The following GRIK3 variants were observed in gnomAD, a reference collection of about 807,000 sequenced individuals.
The protein encoded by GRIK3 is glutamate receptor ionotropic, kainate 3.
Under a neutral mutation model 102.5 loss-of-function variants are expected in GRIK3, and 29 were observed. The ratio of observed to expected loss-of-function variants is 0.28; its 90% CI spans 0.21 to 0.39. The LOEUF (loss-of-function observed/expected upper bound fraction) is 0.39. Among genes scored for constraint, GRIK3 ranks in the 10% least tolerant of loss-of-function variants. GRIK3 has a pLI of 1.00. For missense variants in GRIK3, 908 were observed against 1,252.4 expected (o/e 0.73, Z 4.15); for synonymous variants, 511 against 504.9 (o/e 1.01, Z -0.16).
At chr1:36,927,044 A>T (rs1478847751) in intron 1 of GRIK3, among the ~76,000 whole-genome samples, 1 of 152,224 alleles carries the variant, frequency 6.6e-6, no homozygotes, top group African/African-American at 2.4e-5. Context: ...CAAGGAAAAC[A>T]TACACAAATA....
chr1:36,932,898 C>T (rs1005649027), intron 1 of GRIK3, among the ~76,000 whole-genome samples: 9 of 152,044 alleles, frequency 5.9e-5, no homozygotes, highest in African/African-American at 9.7e-5. Flanking sequence ...TTCAAATGCA[C>T]GTACTGGAAT....
At chr1:36,952,222 C>T (rs762437832) in intron 1 of GRIK3, among the ~76,000 whole-genome samples, 7 of 152,332 alleles carry the variant, frequency 4.6e-5, no homozygotes, top group Non-Finnish European at 1.0e-4. Flanking sequence ...ACTCAAAGAG[C>T]CCTTCCTCCA....
At chr1:36,827,829 G>A (rs1642770925) in intron 10 of GRIK3, among the ~76,000 whole-genome samples, 1 of 152,018 alleles carries the variant, frequency 6.6e-6, no homozygotes, top group South Asian at 2.1e-4. Context: ...CCTACCCAAT[G>A]TTTCTCCTTC....
intron 3 of GRIK3, among the ~76,000 whole-genome samples, chr1:36,875,910 C>T (rs949285027): frequency 6.6e-6 from 1 of 152,234 alleles, no homozygotes; most frequent in African/African-American, 2.4e-5. Flanking sequence ...TGAAAATGCA[C>T]CAGTCCCATG....
intron 7 of GRIK3, among the ~76,000 whole-genome samples, chr1:36,858,693 G>T (rs753902973): frequency 6.6e-6 from 1 of 152,148 alleles, no homozygotes; most frequent in African/African-American, 2.4e-5. Flanking sequence ...CACTTTCCAC[G>T]CAATGTCTAA....
At chr1:36,829,156 G>A (rs974458172) in intron 10 of GRIK3, among the ~76,000 whole-genome samples, 3 of 152,202 alleles carry the variant, frequency 2.0e-5, no homozygotes, top group African/African-American at 7.2e-5. Context: ...ACATTTCACC[G>A]TTAGTTACGA....
chr1:36,808,996 T>A (rs908463488), intron 13 of GRIK3, among the ~76,000 whole-genome samples: 1 of 152,186 alleles, frequency 6.6e-6, no homozygotes, highest in Non-Finnish European at 1.5e-5. Context: ...CTTTTCTCCC[T>A]CCAGTGATTG....
In GRIK3 at chr1:36,798,386, T is replaced by A. The variant is rs1440756832; in HGVS notation, c.*3465A>T. 1 of 152,318 alleles carries A rather than the reference T, an allele frequency of 6.6e-6. No individual in the cohort carries two copies. The highest frequency in any genetic ancestry group is 6.5e-5 in the Admixed American group (1 of 15,282). 9.4% of individuals were successfully genotyped at this position (152,318 alleles called of 1,614,324 possible). A position where few individuals can be genotyped will look rare whatever the true frequency, so the allele number is the denominator to read the frequency against. On this transcript the variant is annotated 3_prime_UTR_variant, in exon 16 of 16. Coordinates refer to ENST00000373091, the MANE Select transcript of GRIK3 (RefSeq NM_000831.4). ...ACAGTCCAGCATCTGCTCAGGCAGGTTCCTTCTTCTGCTCCATCCAAGCAA... is the reference window on the plus strand; with the variant it reads ...ACAGTCCAGCATCTGCTCAGGCAGGATCCTTCTTCTGCTCCATCCAAGCAA...
intron 1 of GRIK3, among the ~76,000 whole-genome samples, chr1:36,912,436 C>A (rs552422595): frequency 6.6e-6 from 1 of 152,088 alleles, no homozygotes; most frequent in Non-Finnish European, 1.5e-5. Context: ...CCTCCTCCCC[C>A]CTCTGCTGCC....
chr1:37,010,546 G>C (rs917838664), intron 1 of GRIK3, among the ~76,000 whole-genome samples: 1 of 151,924 alleles, frequency 6.6e-6, no homozygotes, highest in Non-Finnish European at 1.5e-5. Flanking sequence ...GAGTGAAGGG[G>C]GTGCTATTCA....
chr1:36,854,704 C>A, intron 7 of GRIK3, among the ~76,000 whole-genome samples: 1 of 152,292 alleles, frequency 6.6e-6, no homozygotes, highest in East Asian at 1.9e-4. Context: ...TTTCTATGAG[C>A]CCCTTTACAG....
intron 7 of GRIK3, among the ~76,000 whole-genome samples, chr1:36,857,134 TA>T (rs975043424): frequency 2.3e-4 from 35 of 152,172 alleles, no homozygotes; most frequent in African/African-American, 8.0e-4. Flanking sequence ...GTTATCCAGT[TA>T]AAAAGTGGTG....
chr1:36,977,931 C>T (rs1046739450), intron 1 of GRIK3, among the ~76,000 whole-genome samples: 1 of 152,234 alleles, frequency 6.6e-6, no homozygotes, highest in Non-Finnish European at 1.5e-5. Flanking sequence ...GCAAGACCTC[C>T]CCTGCACAGC....
chr1:36,842,894 G>A (rs1640476575), intron 9 of GRIK3, among the ~76,000 whole-genome samples: 1 of 152,150 alleles, frequency 6.6e-6, no homozygotes, highest in African/African-American at 2.4e-5. Flanking sequence ...CGAGTTCTGT[G>A]CCTGAGGCCC....
chr1:37,026,734 G>A (rs758724848), intron 1 of GRIK3, among the ~76,000 whole-genome samples: 1 of 151,954 alleles, frequency 6.6e-6, no homozygotes, highest in Non-Finnish European at 1.5e-5. Context: ...ACTTCCCCAA[G>A]GTCACACAGC....
At chr1:36,808,048 C>T (rs1214466608) in intron 13 of GRIK3, among the ~76,000 whole-genome samples, 1 of 152,250 alleles carries the variant, frequency 6.6e-6, no homozygotes, top group Non-Finnish European at 1.5e-5. Flanking sequence ...TCTCCGCTCT[C>T]CCACTTCCTC....
intron 13 of GRIK3, among the ~76,000 whole-genome samples, chr1:36,809,680 T>C (rs1308410427): frequency 2.0e-5 from 3 of 152,140 alleles, no homozygotes; most frequent in Non-Finnish European, 4.4e-5. Flanking sequence ...AACCATATGC[T>C]CTTTCCAGTA....
Position 36,795,842 on chromosome 1 carries a change from G to C in GRIK3, c.*6009C>G, listed in dbSNP as rs1642358726. On this transcript the variant is annotated 3_prime_UTR_variant, in exon 16 of 16. Transcript: ENST00000373091. ...GGGGCGTCCAGGCACTCTGGTCTGG[G>C]TGGTGGGACAGGTCTAGGGTCTCAG... is the stretch of plus-strand genomic sequence containing the variant. The C allele has an allele frequency of 6.6e-6, 1 of 152,264 alleles. No homozygotes were observed. Among genetic ancestry groups the C allele is most frequent in the Non-Finnish European group, 1.5e-5 (1 of 68,062 alleles). 9.4% of individuals were successfully genotyped at this position (152,264 alleles called of 1,614,324 possible).
chr1:37,022,442 G>T (rs1642725003), intron 1 of GRIK3, among the ~76,000 whole-genome samples: 1 of 152,200 alleles, frequency 6.6e-6, no homozygotes, highest in South Asian at 2.1e-4. Context: ...TAAGAAGACA[G>T]TTTGTCTCTC....
Sources: gnomAD v4.1 joint callset for allele counts (sites outside exome capture counted in the v4.1 genomes callset) on GRCh38, gnomAD v4.1.1 for gene constraint, MANE v1.5 for transcripts, NCBI Gene and HGNC (gene_info 2026-07-23, HGNC 2026-07-21) for gene names.